Variants in CNTN6 observed in about 807,000 individuals in gnomAD.
The protein encoded by CNTN6 is contactin-6.
CNTN6 carries 137 observed loss-of-function variants against 122.8 expected under a neutral mutation model. The ratio of observed to expected loss-of-function variants is 1.12; its 90% confidence interval spans 0.97 to 1.29. The LOEUF is 1.29. Ranked by LOEUF, CNTN6 falls within the 50% of genes most tolerant of loss-of-function variation. The pLI is 0.00. For synonymous variants in CNTN6, 570 were observed against 426.0 expected (o/e 1.34, Z -4.16); for missense variants, 1,634 against 1,223.4 (o/e 1.34, Z -5.01).
At chr3:1,326,082 C>A in intron 9 of CNTN6, 131 bp downstream of exon 9, 2 of 699,844 alleles carry the variant, frequency 2.9e-6, no homozygotes, top group Non-Finnish European at 4.5e-6. Flanking sequence ...AGGATGCATA[C>A]ACTGATTTAT....
intron 19 of CNTN6, 77 bp from the exon 20 acceptor site, chr3:1,385,534 G>T: frequency 8.5e-7 from 1 of 1,180,772 alleles, no homozygotes; most frequent in Non-Finnish European, 1.2e-6. Context: ...TGTGGTTGTG[G>T]TTGATAGTTG....
chr3:1,380,556 C>A (rs1260899591), intron 17 of CNTN6, among the ~76,000 whole-genome samples: 1 of 152,098 alleles, frequency 6.6e-6, no homozygotes, highest in East Asian at 1.9e-4. Flanking sequence ...GGATAAAGCA[C>A]TATAGAGTAA....
chr3:1,295,496 T>C, intron 5 of CNTN6, 105 bp from the exon 6 acceptor site: 1 of 891,032 alleles, frequency 1.1e-6, no homozygotes, highest in Non-Finnish European at 1.7e-6. Context: ...GAGGCACAAT[T>C]TTCTCCTAAT....
At chr3:1,133,214 T>C (rs2092385488) in intron 1 of CNTN6, among the ~76,000 whole-genome samples, 1 of 152,142 alleles carries the variant, frequency 6.6e-6, no homozygotes, top group Admixed American at 6.6e-5. Flanking sequence ...TAGAATAAGG[T>C]CATCGAATCT....
At chr3:1,168,973 T>C (rs901420515) in intron 2 of CNTN6, among the ~76,000 whole-genome samples, 1 of 151,760 alleles carries the variant, frequency 6.6e-6, no homozygotes, top group African/African-American at 2.4e-5. Context: ...GTGGGAAGGG[T>C]GTTTAAAAAG....
At chr3:1,245,914 T>A (rs1049634184) in intron 4 of CNTN6, among the ~76,000 whole-genome samples, 1 of 148,866 alleles carries the variant, frequency 6.7e-6, no homozygotes, top group African/African-American at 2.5e-5. Context: ...GCTGATGAGC[T>A]AAAAAAAAAA....
At chr3:1,100,313 A>G (rs1022676590) in intron 1 of CNTN6, among the ~76,000 whole-genome samples, 6 of 152,142 alleles carry the variant, frequency 3.9e-5, no homozygotes, top group Admixed American at 1.3e-4. Context: ...TCTCTCAACA[A>G]TTTTTGCATA....
chr3:1,399,485 T>A (rs2126256197), intron 20 of CNTN6, among the ~76,000 whole-genome samples: 1 of 152,168 alleles, frequency 6.6e-6, no homozygotes, highest in Admixed American at 6.6e-5. Flanking sequence ...TAATTATGGG[T>A]TTATATTGTC....
intron 2 of CNTN6, among the ~76,000 whole-genome samples, chr3:1,152,130 G>GTTTC (rs1428892207): frequency 1.4e-5 from 2 of 139,368 alleles, no homozygotes; most frequent in East Asian, 3.9e-4. Context: ...TTATATATTT[G>GTTTC]TTTGTTTGTT....
chr3:1,192,858 T>C (rs1396519269), intron 2 of CNTN6, among the ~76,000 whole-genome samples: 4 of 152,166 alleles, frequency 2.6e-5, no homozygotes, highest in Non-Finnish European at 1.5e-5. Context: ...AATGCATCCA[T>C]TATTGCTTCC....
chr3:1,374,088 T>C lies in CNTN6; in HGVS notation c.2095+15T>C, dbSNP rs887979489. 2 of 1,610,812 alleles carry C rather than the reference T, an allele frequency of 1.2e-6. No individual in the cohort carries two copies. Among genetic ancestry groups the C allele is most frequent in the East Asian group, 2.2e-5 (1 of 44,802 alleles). On this transcript the variant is annotated intron_variant, in intron 16 of 22. Coordinates refer to ENST00000446702, the MANE Select transcript of CNTN6 (RefSeq NM_001289080.2). The stretch of plus-strand genomic sequence containing the variant: ...TAAAGCATCAGGTAAAGAATCAATG[T>C]GTTCTAAAAGTGTGGAAGATTTCGT...
At chr3:1,182,599 T>A (rs2093571419) in intron 2 of CNTN6, among the ~76,000 whole-genome samples, 1 of 151,810 alleles carries the variant, frequency 6.6e-6, no homozygotes, top group Non-Finnish European at 1.5e-5. Context: ...CTCCTTTTCC[T>A]TAGTTTTTTT....
chr3:1,396,883 C>T (rs922951863), intron 20 of CNTN6, among the ~76,000 whole-genome samples: 6 of 152,160 alleles, frequency 3.9e-5, no homozygotes, highest in African/African-American at 1.2e-4. Context: ...ATCAAGATTA[C>T]CTCTCAATAG....
chr3:1,277,997 A>C (rs1692726732), intron 4 of CNTN6, among the ~76,000 whole-genome samples: 2 of 152,220 alleles, frequency 1.3e-5, no homozygotes, highest in African/African-American at 4.8e-5. Context: ...TACATCCTAA[A>C]TTCTCATAGA....
intron 1 of CNTN6, among the ~76,000 whole-genome samples, chr3:1,125,805 A>T (rs1394181): frequency 0.47 from 70,975 of 150,966 alleles, 16,887 homozygotes; most frequent in African/African-American, 0.54. Flanking sequence ...TAATGATGAT[A>T]TGACAACCAC....
intron 11 of CNTN6, among the ~76,000 whole-genome samples, chr3:1,351,613 G>T (rs1705649451): frequency 6.6e-6 from 1 of 150,756 alleles, no homozygotes. Context: ...GAGTTTCAGA[G>T]AAAATTTAAT....
intron 1 of CNTN6, among the ~76,000 whole-genome samples, chr3:1,145,463 C>G (rs1487514100): frequency 7.2e-6 from 1 of 139,540 alleles, no homozygotes; most frequent in Admixed American, 7.3e-5. Flanking sequence ...AGTCACAGAC[C>G]TTTTATCACA....
At chr3:1,192,098 C>G (rs1452101632) in intron 2 of CNTN6, among the ~76,000 whole-genome samples, 1 of 152,116 alleles carries the variant, frequency 6.6e-6, no homozygotes, top group Admixed American at 6.5e-5. Context: ...TAGGTCAGTC[C>G]TTCATTATCT....
chr3:1,385,897 A>T, intron 20 of CNTN6, 100 bp downstream of exon 20: 1 of 1,177,092 alleles, frequency 8.5e-7, no homozygotes, highest in Non-Finnish European at 1.2e-6. Flanking sequence ...TTTCTTTACT[A>T]ATTGGTTACT....
Sources: gnomAD v4.1 joint callset for allele counts (sites outside exome capture counted in the v4.1 genomes callset) on GRCh38, gnomAD v4.1.1 for gene constraint, MANE v1.5 for transcripts, NCBI Gene and HGNC (gene_info 2026-07-23, HGNC 2026-07-21) for gene names.